The following RCC2 variants were observed in gnomAD, a reference collection of about 807,000 sequenced individuals.
The protein encoded by RCC2 is regulator of chromosome condensation 2, also known as protein RCC2.
In RCC2, 19 loss-of-function variants were observed where a neutral mutation model predicts 64.1. That is an observed-to-expected ratio of 0.30 (90% CI 0.21 to 0.44). The LOEUF (loss-of-function observed/expected upper bound fraction) is 0.44. Among genes scored for constraint, RCC2 ranks in the 20% least tolerant of loss-of-function variants. The pLI is 1.00. For missense variants in RCC2, 508 were observed against 710.4 expected (o/e 0.72, Z 3.24); for synonymous variants, 325 against 279.6 (o/e 1.16, Z -1.62).
intron 7 of RCC2, among the ~76,000 whole-genome samples, chr1:17,419,803 T>C (rs1311688367): frequency 1.3e-5 from 2 of 152,132 alleles, no homozygotes; most frequent in African/African-American, 4.8e-5. Context: ...AGCAGGGCTG[T>C]GGCCATGGAA....
At chr1:17,434,919 C>A (rs764606656) in intron 2 of RCC2, among the ~76,000 whole-genome samples, 12 of 152,216 alleles carry the variant, frequency 7.9e-5, no homozygotes, top group Non-Finnish European at 1.8e-4. Context: ...GCCTGGCCAA[C>A]ATGGTGAAAC....
intron 11 of RCC2, among the ~76,000 whole-genome samples, chr1:17,411,692 C>A (rs1570172122): frequency 6.6e-6 from 1 of 151,974 alleles, no homozygotes; most frequent in African/African-American, 2.4e-5. Context: ...AACCTCATCA[C>A]TCAAGTAACT....
chr1:17,419,783 TG>T (rs894232733), intron 7 of RCC2, among the ~76,000 whole-genome samples: 22 of 152,056 alleles, frequency 1.4e-4, no homozygotes, highest in African/African-American at 5.3e-4. Context: ...GGACCGCTGC[TG>T]GGCACCGCAG....
At chr1:17,434,004 C>G (rs2075710963) in intron 2 of RCC2, among the ~76,000 whole-genome samples, 1 of 152,166 alleles carries the variant, frequency 6.6e-6, no homozygotes. Context: ...GGAAAAACTA[C>G]AAAGACCTGG....
intron 4 of RCC2, among the ~76,000 whole-genome samples, chr1:17,423,071 G>A (rs1212439928): frequency 2.0e-5 from 3 of 152,158 alleles, no homozygotes; most frequent in Non-Finnish European, 4.4e-5. Flanking sequence ...GGGACCACCC[G>A]TGCACACCTC....
chr1:17,436,463 G>T (rs1032547843), intron 2 of RCC2, among the ~76,000 whole-genome samples: 15 of 152,098 alleles, frequency 9.9e-5, no homozygotes, highest in African/African-American at 3.4e-4. Flanking sequence ...AGCTGAGATC[G>T]TGCCACTGCA....
At chr1:17,426,349 G>C (rs1366213277) in intron 3 of RCC2, among the ~76,000 whole-genome samples, 3 of 152,100 alleles carry the variant, frequency 2.0e-5, no homozygotes, top group African/African-American at 7.2e-5. Context: ...CCCGTCCAGT[G>C]TGACAGCCAC....
At chr1:17,431,345 AAAAAAAAAAAAAAAAT>A (rs1285370115) in intron 2 of RCC2, among the ~76,000 whole-genome samples, 3 of 45,180 alleles carry the variant, frequency 6.6e-5, no homozygotes, top group South Asian at 8.2e-4. Flanking sequence ...AAAAAAAAAA[AAAAAAAAAAAAAAAAT>A]ATATATATAT....
At chr1:17,435,980 G>A (rs1410048124) in intron 2 of RCC2, among the ~76,000 whole-genome samples, 1 of 151,294 alleles carries the variant, frequency 6.6e-6, no homozygotes, top group East Asian at 1.9e-4. Context: ...GAGGCATAAA[G>A]GGGCATCATA....
chr1:17,426,544 G>A (rs2075618301), intron 3 of RCC2, among the ~76,000 whole-genome samples: 4 of 151,848 alleles, frequency 2.6e-5, no homozygotes, highest in Admixed American at 2.6e-4. Flanking sequence ...GCTCAGCCCT[G>A]CTCAGCCCAC....
At position 17,438,224 on chromosome 1, in the gene RCC2, A is replaced by G; in HGVS notation, c.285+6T>C. 1.6e-6 allele frequency: 2 copies of G among 1,286,088 alleles called. No homozygotes were observed. Among genetic ancestry groups the G allele is most frequent in the Admixed American group, 2.9e-5 (1 of 34,656 alleles). The allele number at this position is 1,286,088 out of a possible 1,614,324, so 79.7% of individuals were successfully genotyped here. A position where few individuals can be genotyped will look rare whatever the true frequency, so the allele number is the denominator to read the frequency against. On this transcript the variant is annotated splice_donor_region_variant and intron_variant, in intron 2 of 12. Transcript: ENST00000375436. ...CGCCCACCCGTCTACCCTGACCCTCACTCACGACGCGCTCCTTGGTGTGCT... is the reference window on the plus strand; with the variant it reads ...CGCCCACCCGTCTACCCTGACCCTCGCTCACGACGCGCTCCTTGGTGTGCT...
Position 17,429,193 on chromosome 1 carries a change from C to CA in RCC2, c.291dup (p.Glu98Ter). On this transcript the variant is annotated frameshift_variant, in exon 3 of 13. Coordinates refer to ENST00000375436, the MANE Select transcript of RCC2 (RefSeq NM_018715.4). LOFTEE classifies it high-confidence loss of function. The stretch of plus-strand genomic sequence containing the variant: ...AGCTGCCCTTTGCACTTTGACCCTT[C>CA]AAGTTTCTGCAGAGACAGAGAAAGG... The CA allele has an allele frequency of 6.2e-7, 1 of 1,613,878 alleles. No individual in the cohort carries two copies. Among genetic ancestry groups the CA allele is most frequent in the Non-Finnish European group, 8.5e-7 (1 of 1,179,778 alleles).
At chr1:17,427,145 G>A (rs766882830) in intron 3 of RCC2, among the ~76,000 whole-genome samples, 1 of 152,222 alleles carries the variant, frequency 6.6e-6, no homozygotes, top group Non-Finnish European at 1.5e-5. Flanking sequence ...GCCAAATCGA[G>A]TGTGTAAGAC....
chr1:17,415,350 A>G (rs927787902), intron 8 of RCC2, among the ~76,000 whole-genome samples: 1 of 152,214 alleles, frequency 6.6e-6, no homozygotes, highest in Non-Finnish European at 1.5e-5. Flanking sequence ...TTTTTCAACA[A>G]AGCATAGAAC....
chr1:17,412,173 G>C lies in RCC2; in HGVS notation c.1335C>G (p.Ala445=), dbSNP rs757310152. 6 of 1,614,048 alleles carry C rather than the reference G, an allele frequency of 3.7e-6. No homozygotes were observed. In the African/African-American group the frequency reaches 8.0e-5, roughly 22 times the overall value. ...LACGKSSIIV[A]ADESTISWGP... ...CCCAGCTGATGGTGCTCTCATCGGC[G>C]GCCACAATGATGCTGCTCTTCCTGC... The change falls in exon 11 of 13, where the codon GCC becomes GCG. Residue 445 remains alanine, a synonymous_variant. Transcript: ENST00000375436.
At chr1:17,412,422 C>T (rs1193958119) in intron 10 of RCC2, among the ~76,000 whole-genome samples, 1 of 152,210 alleles carries the variant, frequency 6.6e-6, no homozygotes, top group Non-Finnish European at 1.5e-5. Flanking sequence ...GGCCTAGGGG[C>T]CAAAGGCAGG....
intron 7 of RCC2, 129 bp from the exon 8 acceptor site, chr1:17,416,775 C>G: frequency 2.3e-6 from 2 of 863,456 alleles, no homozygotes; most frequent in Non-Finnish European, 1.7e-6. Flanking sequence ...TAGACCAGCA[C>G]ACGTTGGTCA....
At chr1:17,432,336 C>T (rs1360157622) in intron 2 of RCC2, among the ~76,000 whole-genome samples, 1 of 152,176 alleles carries the variant, frequency 6.6e-6, no homozygotes, top group Non-Finnish European at 1.5e-5. Context: ...GTTGAAGTCC[C>T]TGTGGAAGGA....
At chr1:17,430,778 G>C (rs1043011066) in intron 2 of RCC2, among the ~76,000 whole-genome samples, 1 of 151,718 alleles carries the variant, frequency 6.6e-6, no homozygotes, top group Non-Finnish European at 1.5e-5. Context: ...GCCCAGGCTG[G>C]AGTGCAGTGG....
Sources: allele counts gnomAD v4.1 joint callset (sites outside exome capture counted in the v4.1 genomes callset), GRCh38; gene constraint gnomAD v4.1.1; transcripts MANE v1.5; gene names NCBI Gene and HGNC (gene_info 2026-07-23, HGNC 2026-07-21).